SGCD: variants seen among roughly 807,000 people sequenced by gnomAD.
The protein encoded by SGCD is sarcoglycan delta, also known as delta-sarcoglycan.
SGCD carries 18 observed loss-of-function variants against 36.6 expected under a neutral mutation model. The observed-to-expected ratio is 0.49, with a 90% confidence interval of 0.34 to 0.73. The LOEUF (loss-of-function observed/expected upper bound fraction) is 0.73. SGCD is among the 30% of genes least tolerant of loss of function. The pLI is 0.01. For missense variants in SGCD, 387 were observed against 346.7 expected (o/e 1.12, Z -0.92); for synonymous variants, 133 against 130.6 (o/e 1.02, Z -0.12).
chr5:156,486,275 C>A (rs1043732359), intron 3 of SGCD, among the ~76,000 whole-genome samples: 4 of 151,982 alleles, frequency 2.6e-5, no homozygotes, highest in Admixed American at 1.3e-4. Context: ...ACATGATGTC[C>A]CTACTCCTTG....
intron 7 of SGCD, among the ~76,000 whole-genome samples, chr5:156,733,119 T>C (rs1365616534): frequency 6.6e-6 from 1 of 152,132 alleles, no homozygotes; most frequent in Admixed American, 6.6e-5. Flanking sequence ...GTTTGTTTGC[T>C]CTTGGTTCTC....
At chr5:155,777,767 T>C in the SGCD span, among the ~76,000 whole-genome samples, 1 of 152,318 alleles carries the variant, frequency 6.6e-6, no homozygotes, top group East Asian at 1.9e-4. Flanking sequence ...GTGTTTTCTT[T>C]CTGTGAAAGA....
At chr5:156,018,392 G>A (rs1385287232) in intron 1 of SGCD, among the ~76,000 whole-genome samples, 1 of 151,770 alleles carries the variant, frequency 6.6e-6, no homozygotes, top group Non-Finnish European at 1.5e-5. Flanking sequence ...ATTTTAAAAA[G>A]TACAGCATGT....
chr5:156,757,567 T>A lies in SGCD; in HGVS notation c.576-14T>A. ...AAAAAGGGATCTTTATTGACGATCTTGGGTGTTTTTCAGGTTGGAGTCCCC... is the reference window on the plus strand; with the variant it reads ...AAAAAGGGATCTTTATTGACGATCTAGGGTGTTTTTCAGGTTGGAGTCCCC... On this transcript the variant is annotated splice_polypyrimidine_tract_variant and intron_variant, in intron 7 of 8. Transcript: ENST00000337851. 6.6e-7 allele frequency: 1 copy of A among 1,517,968 alleles called. No individual in the cohort carries two copies. Among genetic ancestry groups the A allele is most frequent in the Non-Finnish European group, 9.1e-7 (1 of 1,101,184 alleles). 94.0% of individuals were successfully genotyped at this position (1,517,968 alleles called of 1,614,324 possible).
At chr5:155,739,111 T>C in the SGCD span, among the ~76,000 whole-genome samples, 2 of 152,182 alleles carry the variant, frequency 1.3e-5, no homozygotes, top group Non-Finnish European at 2.9e-5. Context: ...CCAACAATTA[T>C]TTGTTGAGAT....
intron 1 of SGCD, among the ~76,000 whole-genome samples, chr5:155,968,908 G>T (rs1048586320): frequency 6.6e-6 from 1 of 152,046 alleles, no homozygotes; most frequent in African/African-American, 2.4e-5. Context: ...TTTTGTGATT[G>T]TTTTAATTAA....
At chr5:156,631,910 A>C (rs972322779) in intron 6 of SGCD, among the ~76,000 whole-genome samples, 3 of 152,170 alleles carry the variant, frequency 2.0e-5, no homozygotes, top group Non-Finnish European at 2.9e-5. Flanking sequence ...AAGACATAGA[A>C]GCCTCTACCC....
At chr5:156,050,503 C>T (rs1327384496) in intron 1 of SGCD, among the ~76,000 whole-genome samples, 1 of 146,554 alleles carries the variant, frequency 6.8e-6, no homozygotes, top group Non-Finnish European at 1.5e-5. Flanking sequence ...GTGATATTTG[C>T]TTTATTCAGG....
chr5:156,413,842 A>G (rs1772893764), intron 3 of SGCD, among the ~76,000 whole-genome samples: 1 of 148,034 alleles, frequency 6.8e-6, no homozygotes, highest in African/African-American at 2.5e-5. Context: ...TGGGAAAAGG[A>G]TTTTTTTTTT....
At chr5:156,002,307 G>C (rs1326104542) in intron 1 of SGCD, among the ~76,000 whole-genome samples, 1 of 152,192 alleles carries the variant, frequency 6.6e-6, no homozygotes, top group Non-Finnish European at 1.5e-5. Flanking sequence ...CAAGGAGAGA[G>C]ACCTCCAGAG....
rs113074071 is a variant in SGCD at position 156,634,307 on chromosome 5, G to A, written c.503-13157G>A. On this transcript the variant is annotated intron_variant, in intron 6 of 8. Coordinates refer to ENST00000337851, the MANE Select transcript of SGCD (RefSeq NM_000337.6). Reference sequence around the variant, plus strand: ...GCACCAGGAAGAAAAGCTAGTGGATGCTGAGCTTAATTCCTGGGTGATGAG... The same window carrying A: ...GCACCAGGAAGAAAAGCTAGTGGATACTGAGCTTAATTCCTGGGTGATGAG... 2.9e-3 allele frequency among the ~76,000 whole-genome samples: 440 copies of A among 152,318 alleles called. 2 individuals carry two copies. Among genetic ancestry groups the A allele is most frequent in the African/African-American group, 9.9e-3 (413 of 41,562 alleles).
At chr5:156,235,904 A>G (rs1765146295) in intron 3 of SGCD, among the ~76,000 whole-genome samples, 1 of 152,222 alleles carries the variant, frequency 6.6e-6, no homozygotes, top group South Asian at 2.1e-4. Context: ...GACTTTTGTG[A>G]AATGAGTCTA....
the SGCD span, among the ~76,000 whole-genome samples, chr5:155,754,506 G>T: frequency 6.6e-6 from 1 of 152,188 alleles, no homozygotes; most frequent in Admixed American, 6.5e-5. Flanking sequence ...CTCCAGCATG[G>T]AGGAGTAGGA....
chr5:155,940,872 C>A (rs1000123831), intron 1 of SGCD, among the ~76,000 whole-genome samples: 6 of 97,748 alleles, frequency 6.1e-5, no homozygotes, highest in African/African-American at 2.5e-4. Flanking sequence ...ACAACAACAA[C>A]AACAAAAAAA....
chr5:156,724,602 A>G (rs1755678640), intron 7 of SGCD, among the ~76,000 whole-genome samples: 1 of 151,738 alleles, frequency 6.6e-6, no homozygotes, highest in African/African-American at 2.4e-5. Flanking sequence ...GCGAGACTCC[A>G]TCTCCAAAAA....
At chr5:156,186,674 C>A (rs1009924552) in intron 3 of SGCD, among the ~76,000 whole-genome samples, 10 of 152,138 alleles carry the variant, frequency 6.6e-5, no homozygotes, top group African/African-American at 2.4e-4. Flanking sequence ...TGGGCTCTAG[C>A]CTGGAATTGA....
chr5:156,732,583 TTTTGGTATCAGGATG>T (rs1408085240), intron 7 of SGCD, among the ~76,000 whole-genome samples: 1 of 152,088 alleles, frequency 6.6e-6, no homozygotes, highest in Non-Finnish European at 1.5e-5. Context: ...CTTTGCCAGG[TTTTGGTATCAGGATG>T]ATGCCTCATA....
intron 7 of SGCD, among the ~76,000 whole-genome samples, chr5:156,742,263 C>G (rs1231150372): frequency 6.6e-6 from 1 of 152,084 alleles, no homozygotes; most frequent in Non-Finnish European, 1.5e-5. Context: ...TCAAATACAC[C>G]TCCCACTTTA....
intron 7 of SGCD, among the ~76,000 whole-genome samples, chr5:156,690,997 A>G (rs157665): frequency 0.045 from 6,885 of 152,052 alleles, 241 homozygotes; most frequent in East Asian, 0.16. Flanking sequence ...GCTTGAGGTC[A>G]GGAGTTCAAG....
Sources: gnomAD v4.1 joint callset for allele counts (sites outside exome capture counted in the v4.1 genomes callset) on GRCh38, gnomAD v4.1.1 for gene constraint, MANE v1.5 for transcripts, NCBI Gene and HGNC (gene_info 2026-07-23, HGNC 2026-07-21) for gene names.